Variants in RNF122 observed in about 807,000 individuals in gnomAD.
RNF122 encodes the protein ring finger protein 122.
In RNF122, 17 loss-of-function variants were observed where a neutral mutation model predicts 24.2. The observed-to-expected ratio is 0.70, with a 90% CI of 0.48 to 1.06. The LOEUF (loss-of-function observed/expected upper bound fraction) is 1.06, where lower values mean the gene tolerates loss of function less well. Ranked by LOEUF, RNF122 falls within the 50% of genes least tolerant of loss-of-function variation. The pLI is 0.00. For missense variants in RNF122, 168 were observed against 198.1 expected (o/e 0.85, Z 0.91); for synonymous variants, 65 against 71.8 (o/e 0.91, Z 0.48).
Position 33,558,617 on chromosome 8 carries a change from G to C in RNF122, c.180C>G (p.Ile60Met), listed in dbSNP as rs1272858769. 2 of 1,603,960 alleles carry C rather than the reference G, an allele frequency of 1.2e-6. No individual in the cohort carries two copies. Among genetic ancestry groups the C allele is most frequent in the Non-Finnish European group, 1.7e-6 (2 of 1,173,670 alleles). The change falls in exon 2 of 6, where the codon ATC becomes ATG. Residue 60 changes from isoleucine (I) to methionine (M), a missense_variant and splice_region_variant. Coordinates refer to ENST00000256257, the MANE Select transcript of RNF122 (RefSeq NM_024787.3). Reference sequence around the variant, plus strand: ...CGGTCAGCCAGGGATCCACGCACCTGATAAAATAGCAGCAGAAGATAAGGC... The same window carrying C: ...CGGTCAGCCAGGGATCCACGCACCTCATAAAATAGCAGCAGAAGATAAGGC... ...MLSLIFCCYF[I>M]SKLRNQAQSE...
Position 33,551,332 on chromosome 8 carries a change from G to A in RNF122, c.228+12C>T, listed in dbSNP as rs774868641. 29 of 1,613,838 alleles carry A rather than the reference G, an allele frequency of 1.8e-5. No homozygotes were observed. The highest frequency in any genetic ancestry group is 2.3e-5 in the Non-Finnish European group (27 of 1,179,888). ...AGAGAAGGAAGCTTCTGGGAAACAC[G>A]CAGCACTTTACCTCCTTATATCCGT... is the stretch of plus-strand genomic sequence containing the variant. On this transcript the variant is annotated intron_variant, in intron 3 of 5. Transcript: ENST00000256257.
chr8:33,554,542 G>A (rs565798595), intron 2 of RNF122, among the ~76,000 whole-genome samples: 2 of 152,284 alleles, frequency 1.3e-5, no homozygotes, highest in East Asian at 3.9e-4. Context: ...GAAAGGATGA[G>A]ATCATGATGA....
chr8:33,551,312 AG>A (rs1810371417), intron 3 of RNF122, 31 bp downstream of exon 3: 1 of 1,611,666 alleles, frequency 6.2e-7, no homozygotes, highest in Non-Finnish European at 8.5e-7. Flanking sequence ...CAGGCAGAGA[AG>A]GAAGCTTCTG....
intron 1 of RNF122, among the ~76,000 whole-genome samples, chr8:33,564,963 G>A (rs1810600009): frequency 6.6e-6 from 1 of 152,226 alleles, no homozygotes; most frequent in Admixed American, 6.5e-5. Flanking sequence ...CAGTGTTACT[G>A]ACAGCTGCCT....
rs1463323224 is a variant in RNF122, at chr8:33,554,418, C to G, written c.183-3029G>C. On this transcript the variant is annotated intron_variant, in intron 2 of 5. Transcript: ENST00000256257. ...CCTAGAGTACCACTTCCCCACCCAT[C>G]ATGCCTCTTGTCTGGCTGGATCCTT... Among the ~76,000 whole-genome samples, 5 of 152,328 alleles carry G rather than the reference C, an allele frequency of 3.3e-5. No individual in the cohort carries two copies. In the East Asian group the frequency reaches 9.6e-4, roughly 29 times the overall value.
chr8:33,558,526 G>A, intron 2 of RNF122, 89 bp downstream of exon 2: 2 of 1,153,274 alleles, frequency 1.7e-6, no homozygotes, highest in South Asian at 3.5e-5. Flanking sequence ...TGGTGACTCT[G>A]CTGTGGGACC....
intron 4 of RNF122, 32 bp downstream of exon 4, chr8:33,551,012 G>A: frequency 1.2e-6 from 2 of 1,611,048 alleles, no homozygotes; most frequent in South Asian, 1.1e-5. Flanking sequence ...CACCTGCTGG[G>A]GCCCTCCTGC....
chr8:33,552,138 G>A (rs190947043), intron 2 of RNF122, among the ~76,000 whole-genome samples: 4 of 152,268 alleles, frequency 2.6e-5, no homozygotes, highest in Admixed American at 2.0e-4. Context: ...GGCTGGGTGC[G>A]GTGGCTCATG....
intron 4 of RNF122, 80 bp from the exon 5 acceptor site, chr8:33,549,572 C>A: frequency 7.7e-6 from 8 of 1,041,480 alleles, no homozygotes; most frequent in Non-Finnish European, 1.2e-5. Flanking sequence ...AAACTAAGCT[C>A]TAGCCTAGTC....
At chr8:33,556,179 CAAAAAAA>C (rs538829399) in intron 2 of RNF122, among the ~76,000 whole-genome samples, 3 of 33,976 alleles carry the variant, frequency 8.8e-5, no homozygotes, top group African/African-American at 2.1e-4. Context: ...GACCCTGTCT[CAAAAAAA>C]AAAAAAAAAA....
At chr8:33,566,382 A>C in intron 1 of RNF122, among the ~76,000 whole-genome samples, 1 of 152,144 alleles carries the variant, frequency 6.6e-6, no homozygotes, top group East Asian at 1.9e-4. Flanking sequence ...CAAAGAACAG[A>C]GTTTGAGCGC....
chr8:33,552,313 C>T (rs1026564906), intron 2 of RNF122, among the ~76,000 whole-genome samples: 1 of 151,972 alleles, frequency 6.6e-6, no homozygotes, highest in African/African-American at 2.4e-5. Context: ...GCAGGAGAAT[C>T]GATTGAACCC....
rs1339943854 is a variant in RNF122, at chr8:33,547,851, C to A, written c.*902G>T. On this transcript the variant is annotated 3_prime_UTR_variant, in exon 6 of 6. Transcript: ENST00000256257. The stretch of plus-strand genomic sequence containing the variant: ...AGGGAGGAACAGAAAATCCCCACCC[C>A]CTTCCATTCTGGAGATTTCGTATCT... The A allele has an allele frequency of 6.6e-6, 1 of 151,860 alleles. No individual in the cohort carries two copies. Among genetic ancestry groups the A allele is most frequent in the Non-Finnish European group, 1.5e-5 (1 of 67,994 alleles). The allele number at this position is 151,860 out of a possible 1,614,324, so 9.4% of individuals were successfully genotyped here.
At chr8:33,564,879 AT>A (rs1192715304) in intron 1 of RNF122, among the ~76,000 whole-genome samples, 5 of 152,140 alleles carry the variant, frequency 3.3e-5, no homozygotes, top group African/African-American at 7.2e-5. Flanking sequence ...TCTCAAAAAA[AT>A]AAAAAATAAA....
At chr8:33,554,716 C>A (rs916348457) in intron 2 of RNF122, among the ~76,000 whole-genome samples, 1 of 152,196 alleles carries the variant, frequency 6.6e-6, no homozygotes, top group Admixed American at 6.5e-5. Context: ...CATTTCTAGC[C>A]GCTGCCAGTG....
intron 1 of RNF122, 99 bp downstream of exon 1, chr8:33,566,600 T>C: frequency 7.9e-7 from 1 of 1,266,682 alleles, no homozygotes; most frequent in South Asian, 1.3e-5. Flanking sequence ...AGAAACTTGG[T>C]TCCCGAGGGA....
chr8:33,565,519 G>C lies in RNF122; in HGVS notation c.25+1180C>G, dbSNP rs559093133. 3.3e-5 allele frequency among the ~76,000 whole-genome samples: 5 copies of C among 152,274 alleles called. No individual in the cohort carries two copies. The South Asian group carries it at 1.0e-3, about 32-fold the overall frequency. ...GGACCCCAGGAGGACTGGAGCGGGT[G>C]GGGTGGGGGGCGATTAGTATCCAAG... On this transcript the variant is annotated intron_variant, in intron 1 of 5. Transcript: ENST00000256257.
At position 33,548,010 on chromosome 8, in the gene RNF122, C is replaced by T. The variant is rs1229039844; in HGVS notation, c.*743G>A. On this transcript the variant is annotated 3_prime_UTR_variant, in exon 6 of 6. Coordinates refer to ENST00000256257, the MANE Select transcript of RNF122 (RefSeq NM_024787.3). ...AAAAAAAAAAAAAAAAAAAAAAGGC[C>T]CCTGGGAATCAATTTAAGTATAGAA... is the stretch of plus-strand genomic sequence containing the variant. 7.2e-6 allele frequency: 1 copy of T among 139,610 alleles called. No individual in the cohort carries two copies. The allele number at this position is 139,610 out of a possible 1,614,324, so 8.6% of individuals were successfully genotyped here.
At chr8:33,559,085 C>T (rs548464187) in intron 1 of RNF122, among the ~76,000 whole-genome samples, 10 of 152,010 alleles carry the variant, frequency 6.6e-5, no homozygotes, top group South Asian at 2.1e-4. Context: ...CAGGTGATCT[C>T]GAGGCCAAGA....
Sources: allele counts gnomAD v4.1 joint callset (sites outside exome capture counted in the v4.1 genomes callset), GRCh38; gene constraint gnomAD v4.1.1; transcripts MANE v1.5; gene names NCBI Gene and HGNC (gene_info 2026-07-23, HGNC 2026-07-21).